Variants in EXOC5 observed in about 807,000 individuals in gnomAD.
The protein encoded by EXOC5 is SEC10-like 1.
Under a neutral mutation model 90.8 loss-of-function variants are expected in EXOC5, and 17 were observed. The ratio of observed to expected loss-of-function variants is 0.19; its 90% confidence interval spans 0.13 to 0.28. EXOC5 has a LOEUF of 0.28. Ranked by LOEUF, EXOC5 falls within the 10% of genes least tolerant of loss-of-function variation. The pLI is 1.00. For missense variants in EXOC5, 569 were observed against 830.6 expected (o/e 0.69, Z 3.87); for synonymous variants, 260 against 270.0 (o/e 0.96, Z 0.36).
intron 1 of EXOC5, among the ~76,000 whole-genome samples, chr14:57,261,689 C>T (rs1884507311): frequency 1.3e-5 from 2 of 152,202 alleles, no homozygotes; most frequent in South Asian, 4.1e-4. Flanking sequence ...GTCTCTGCTC[C>T]ACATGAAATA....
intron 5 of EXOC5, among the ~76,000 whole-genome samples, chr14:57,238,299 G>T (rs1883733040): frequency 8.4e-6 from 1 of 119,470 alleles, no homozygotes. Context: ...TTATGGTTTT[G>T]TTTTGGCCTC....
chr14:57,263,986 A>C (rs1276555974), intron 1 of EXOC5, among the ~76,000 whole-genome samples: 3 of 152,114 alleles, frequency 2.0e-5, no homozygotes, highest in Admixed American at 6.5e-5. Context: ...TACTAAATGA[A>C]ACCTTTCCTA....
chr14:57,266,615 G>A (rs542584616), intron 1 of EXOC5, among the ~76,000 whole-genome samples: 94 of 151,610 alleles, frequency 6.2e-4, no homozygotes, highest in African/African-American at 2.1e-3. Context: ...GTAGTCTAAG[G>A]GCTACTGTCT....
At chr14:57,209,158 A>C (rs1272506406) in intron 17 of EXOC5, among the ~76,000 whole-genome samples, 3 of 152,156 alleles carry the variant, frequency 2.0e-5, no homozygotes, top group Non-Finnish European at 2.9e-5. Context: ...TGACATATAT[A>C]ACATTAGTCA....
chr14:57,210,482 TG>T (rs1214245922), intron 15 of EXOC5, among the ~76,000 whole-genome samples: 5 of 152,216 alleles, frequency 3.3e-5, no homozygotes. Context: ...TAAGATATCT[TG>T]GGGACGGGAC....
chr14:57,261,504 T>C (rs1038508277), intron 1 of EXOC5, among the ~76,000 whole-genome samples: 2 of 152,202 alleles, frequency 1.3e-5, no homozygotes, highest in African/African-American at 4.8e-5. Flanking sequence ...TCTACCACTG[T>C]CTCCACTAAG....
In EXOC5 at chr14:57,206,250, A is replaced by C. The variant is rs1396158725; in HGVS notation, c.*2359T>G. The C allele has an allele frequency of 8.2e-6, 2 of 244,218 alleles. No homozygotes were observed. Among genetic ancestry groups the C allele is most frequent in the Non-Finnish European group, 1.6e-5 (2 of 123,824 alleles). The allele number at this position is 244,218 out of a possible 1,614,324, so 15.1% of individuals were successfully genotyped here. Reference sequence around the variant, plus strand: ...TCTACCTAAAATTTTACCATGTGCAAAACGAAAAACATTTTAGTTATTGAT... The same window carrying C: ...TCTACCTAAAATTTTACCATGTGCACAACGAAAAACATTTTAGTTATTGAT... On this transcript the variant is annotated 3_prime_UTR_variant, in exon 18 of 18. Coordinates refer to ENST00000621441, the MANE Select transcript of EXOC5 (RefSeq NM_006544.4).
At chr14:57,212,117 A>G (rs1882845526) in intron 15 of EXOC5, among the ~76,000 whole-genome samples, 1 of 152,196 alleles carries the variant, frequency 6.6e-6, no homozygotes, top group South Asian at 2.1e-4. Flanking sequence ...CTCCTGCCTC[A>G]GCCTCCCAAA....
At chr14:57,258,534 C>A (rs765523280) in intron 1 of EXOC5, among the ~76,000 whole-genome samples, 26 of 152,062 alleles carry the variant, frequency 1.7e-4, no homozygotes, top group Non-Finnish European at 2.6e-4. Flanking sequence ...ACATCACACA[C>A]CAGGGCCTGT....
At position 57,209,832 on chromosome 14, in the gene EXOC5, C is replaced by A. The variant is rs748631604; in HGVS notation, c.1723-50G>T. The A allele has an allele frequency of 1.6e-5, 22 of 1,367,626 alleles. No homozygotes were observed. In the East Asian group the frequency reaches 5.0e-4, roughly 31 times the overall value. The allele number at this position is 1,367,626 out of a possible 1,614,324, so 84.7% of individuals were successfully genotyped here. A position where few individuals can be genotyped will look rare whatever the true frequency, so the allele number is the denominator to read the frequency against. On this transcript the variant is annotated intron_variant, in intron 16 of 17. Coordinates refer to ENST00000621441, the MANE Select transcript of EXOC5 (RefSeq NM_006544.4). ...TACACAGGAATGTATACCAGCTTAG[C>A]TAAAGAGGAAATACAGTTTCTCATT...
intron 12 of EXOC5, 101 bp downstream of exon 12, chr14:57,229,633 G>T: frequency 2.9e-6 from 2 of 699,438 alleles, no homozygotes; most frequent in Non-Finnish European, 2.2e-6. Context: ...TAGCAGACTT[G>T]AGCATCCACG....
chr14:57,244,475 C>A, intron 3 of EXOC5, 116 bp from the exon 4 acceptor site: 3 of 760,106 alleles, frequency 3.9e-6, no homozygotes, highest in Non-Finnish European at 6.6e-6. Context: ...AGATGATCTA[C>A]AAAATTCATG....
intron 1 of EXOC5, among the ~76,000 whole-genome samples, chr14:57,250,943 T>C (rs2139658835): frequency 6.6e-6 from 1 of 152,320 alleles, no homozygotes; most frequent in South Asian, 2.1e-4. Flanking sequence ...ACTCTGCCAC[T>C]GTGGTGCAAA....
chr14:57,250,269 G>A (rs1884152632), intron 1 of EXOC5, among the ~76,000 whole-genome samples: 1 of 152,154 alleles, frequency 6.6e-6, no homozygotes, highest in Non-Finnish European at 1.5e-5. Context: ...GAGAATAATT[G>A]TGGATGAGGT....
At chr14:57,254,232 C>T (rs1161911265) in intron 1 of EXOC5, among the ~76,000 whole-genome samples, 3 of 151,888 alleles carry the variant, frequency 2.0e-5, no homozygotes, top group East Asian at 1.9e-4. Context: ...GTCAGGAGTT[C>T]GAGACCAGGA....
intron 4 of EXOC5, among the ~76,000 whole-genome samples, chr14:57,241,011 C>A (rs910697950): frequency 2.0e-5 from 3 of 152,068 alleles, no homozygotes; most frequent in African/African-American, 4.8e-5. Context: ...CACCACCACA[C>A]CCGCTAATTT....
intron 1 of EXOC5, among the ~76,000 whole-genome samples, chr14:57,266,128 G>A (rs1182293529): frequency 6.6e-6 from 1 of 152,190 alleles, no homozygotes; most frequent in Non-Finnish European, 1.5e-5. Flanking sequence ...AACATGAAAA[G>A]TGAAAGCATA....
At chr14:57,239,047 A>T (rs953704911) in intron 5 of EXOC5, among the ~76,000 whole-genome samples, 26 of 151,578 alleles carry the variant, frequency 1.7e-4, no homozygotes, top group East Asian at 5.8e-4. Context: ...CTTGCATTTT[A>T]AAAAAAAGGG....
At chr14:57,256,170 G>A (rs1481009979) in intron 1 of EXOC5, among the ~76,000 whole-genome samples, 2 of 152,056 alleles carry the variant, frequency 1.3e-5, no homozygotes, top group Admixed American at 1.3e-4. Context: ...ATCATCTTTG[G>A]CTAGGGCAAT....
Sources: allele counts gnomAD v4.1 joint callset (sites outside exome capture counted in the v4.1 genomes callset), GRCh38; gene constraint gnomAD v4.1.1; transcripts MANE v1.5; gene names NCBI Gene and HGNC (gene_info 2026-07-23, HGNC 2026-07-21).